Variants in RBM47 observed in about 807,000 individuals in gnomAD.
The protein encoded by RBM47 is RNA binding motif protein 47, also known as RNA-binding protein 47.
RBM47 carries 21 observed loss-of-function variants against 47.1 expected under a neutral mutation model. That is an observed-to-expected ratio of 0.45 (90% CI 0.32 to 0.64). The LOEUF is 0.64. RBM47 is among the 30% of genes least tolerant of loss of function. The pLI, the probability that RBM47 is intolerant of heterozygous loss-of-function variation, is 0.05. For synonymous variants in RBM47, 375 were observed against 361.7 expected, an observed-to-expected ratio of 1.04 and a Z score of -0.42; for missense variants, 708 against 870.9, an observed-to-expected ratio of 0.81 and a Z score of 2.35.
Position 40,438,354 on chromosome 4 carries a change from G to A in RBM47, c.540C>T (p.Asp180=). Residue 180 remains aspartate (D), a synonymous_variant, in exon 4 of 7, where the codon GAC becomes GAT. Transcript: ENST00000295971. ...EIAKVTEGVL[D]VIVYASAADK... ...CGGCCGCGCTGGCGTAGACGATCACGTCCAGCACGCCCTCGGTGACCTTGG... is the reference window on the plus strand; with the variant it reads ...CGGCCGCGCTGGCGTAGACGATCACATCCAGCACGCCCTCGGTGACCTTGG... 1.2e-6 allele frequency: 2 copies of A among 1,611,670 alleles called. No individual in the cohort carries two copies. The highest frequency in any genetic ancestry group is 1.7e-6 in the Non-Finnish European group (2 of 1,179,968).
chr4:40,558,115 A>G (rs1252366509), intron 1 of RBM47, among the ~76,000 whole-genome samples: 4 of 152,150 alleles, frequency 2.6e-5, no homozygotes, highest in Non-Finnish European at 5.9e-5. Flanking sequence ...TGCTCAAAAC[A>G]GATATTATTA....
At chr4:40,461,938 A>G (rs965732417) in intron 3 of RBM47, among the ~76,000 whole-genome samples, 17 of 29,246 alleles carry the variant, frequency 5.8e-4, no homozygotes, top group African/African-American at 1.3e-3. Context: ...CTCCGTCTCA[A>G]AAAAAAAAAA....
chr4:40,621,096 C>T (rs1737227570), intron 1 of RBM47, among the ~76,000 whole-genome samples: 1 of 152,014 alleles, frequency 6.6e-6, no homozygotes, highest in Non-Finnish European at 1.5e-5. Flanking sequence ...CCAGGCTCTT[C>T]ATCTACCCTC....
At chr4:40,442,741 A>G (rs867426055) in intron 3 of RBM47, among the ~76,000 whole-genome samples, 4 of 152,006 alleles carry the variant, frequency 2.6e-5, no homozygotes, top group Non-Finnish European at 4.4e-5. Context: ...GCAGTGGTGC[A>G]GTCTCTGCTC....
At chr4:40,596,806 AAGAG>A (rs967587082) in intron 1 of RBM47, among the ~76,000 whole-genome samples, 2 of 151,854 alleles carry the variant, frequency 1.3e-5, no homozygotes, top group African/African-American at 2.4e-5. Flanking sequence ...CACCCCTGAG[AAGAG>A]AGAGAGAGAA....
At chr4:40,511,492 G>A (rs576082351) in intron 2 of RBM47, among the ~76,000 whole-genome samples, 2 of 152,256 alleles carry the variant, frequency 1.3e-5, no homozygotes, top group East Asian at 1.9e-4. Flanking sequence ...ATCATATCAC[G>A]TTTAATAGCA....
intron 2 of RBM47, among the ~76,000 whole-genome samples, chr4:40,495,386 G>A (rs1722431477): frequency 6.6e-6 from 1 of 152,096 alleles, no homozygotes; most frequent in Admixed American, 6.5e-5. Context: ...TGGATCACTT[G>A]AGGCCAGGAG....
At chr4:40,508,562 G>A (rs992196351) in intron 2 of RBM47, among the ~76,000 whole-genome samples, 2 of 152,190 alleles carry the variant, frequency 1.3e-5, no homozygotes, top group Non-Finnish European at 2.9e-5. Flanking sequence ...GTGGATGAGC[G>A]TCACCGATAA....
intron 1 of RBM47, among the ~76,000 whole-genome samples, chr4:40,627,393 G>A (rs1291218833): frequency 6.6e-6 from 1 of 151,962 alleles, no homozygotes; most frequent in Non-Finnish European, 1.5e-5. Flanking sequence ...TTGAGCCTGG[G>A]TCCAATTTTA....
rs147484759 is a variant in RBM47, at chr4:40,584,126, G to A, written c.-239-39620C>T. 6.8e-4 allele frequency among the ~76,000 whole-genome samples: 104 copies of A among 152,042 alleles called. No individual in the cohort carries two copies. In the East Asian group the frequency reaches 0.017, roughly 24 times the overall value. ...CTACAGGCACGCACCAACATGCCCCGCTAATTTTTGTGTTTTTTATAGAGA... is the reference window on the plus strand; with the variant it reads ...CTACAGGCACGCACCAACATGCCCCACTAATTTTTGTGTTTTTTATAGAGA... On this transcript the variant is annotated intron_variant, in intron 1 of 6. Coordinates refer to ENST00000295971, the MANE Select transcript of RBM47 (RefSeq NM_001098634.2).
At chr4:40,514,155 G>A (rs952811908) in intron 2 of RBM47, among the ~76,000 whole-genome samples, 1 of 152,004 alleles carries the variant, frequency 6.6e-6, no homozygotes. Context: ...ATGAATTCCC[G>A]AGCTCACAGA....
In RBM47 at chr4:40,547,976, G is replaced by T. The variant is rs533396306; in HGVS notation, c.-239-3470C>A. 2.1e-3 allele frequency among the ~76,000 whole-genome samples: 317 copies of T among 152,370 alleles called. 3 individuals are homozygous for T. Among genetic ancestry groups the T allele is most frequent in the African/African-American group, 6.9e-3 (289 of 41,592 alleles). ...CCTTTGTGGTATTACAGTGTGGATA[G>T]TGAGTCCAGGTGCTGAGCTGGGCTA... On this transcript the variant is annotated intron_variant, in intron 1 of 6. Coordinates refer to ENST00000295971, the MANE Select transcript of RBM47 (RefSeq NM_001098634.2).
At chr4:40,550,435 T>C (rs756520038) in intron 1 of RBM47, among the ~76,000 whole-genome samples, 6 of 152,120 alleles carry the variant, frequency 3.9e-5, no homozygotes, top group Non-Finnish European at 7.4e-5. Flanking sequence ...TAATTTTTTT[T>C]TGAGACAGAG....
intron 6 of RBM47, among the ~76,000 whole-genome samples, chr4:40,429,198 A>G (rs563083074): frequency 5.3e-5 from 8 of 152,266 alleles, no homozygotes; most frequent in Admixed American, 3.3e-4. Flanking sequence ...TTTACTTAAT[A>G]TCAGCCCCAA....
At chr4:40,586,034 A>T (rs759717351) in intron 1 of RBM47, among the ~76,000 whole-genome samples, 12 of 152,306 alleles carry the variant, frequency 7.9e-5, no homozygotes, top group Non-Finnish European at 1.6e-4. Flanking sequence ...ACTCAGCCCG[A>T]GTGTTACTAA....
chr4:40,545,713 G>A (rs866571737), intron 1 of RBM47, among the ~76,000 whole-genome samples: 7 of 94,368 alleles, frequency 7.4e-5, no homozygotes, highest in South Asian at 3.6e-4. Flanking sequence ...AAAAGAGAAA[G>A]AGAGGGAGAG....
chr4:40,481,541 C>T (rs1204226346), intron 2 of RBM47, among the ~76,000 whole-genome samples: 1 of 147,514 alleles, frequency 6.8e-6, no homozygotes, highest in African/African-American at 2.5e-5. Context: ...CAGTCAAAGA[C>T]CTGGATCATG....
chr4:40,608,790 G>T (rs1486713878), intron 1 of RBM47, among the ~76,000 whole-genome samples: 1 of 152,174 alleles, frequency 6.6e-6, no homozygotes, highest in Non-Finnish European at 1.5e-5. Flanking sequence ...CACACTCTGG[G>T]TGAGCACATG....
At chr4:40,505,380 TAC>T (rs1560427858) in intron 2 of RBM47, among the ~76,000 whole-genome samples, 2 of 150,408 alleles carry the variant, frequency 1.3e-5, no homozygotes, top group African/African-American at 4.9e-5. Context: ...TGTTCCCAGC[TAC>T]TTGGGAAGCT....
Sources: gnomAD v4.1 joint callset for allele counts (sites outside exome capture counted in the v4.1 genomes callset) on GRCh38, gnomAD v4.1.1 for gene constraint, MANE v1.5 for transcripts, NCBI Gene and HGNC (gene_info 2026-07-23, HGNC 2026-07-21) for gene names.